Variants in FGF14 observed in about 807,000 individuals in gnomAD.
The protein encoded by FGF14 is fibroblast growth factor homologous factor 4.
Under a neutral mutation model 25.5 loss-of-function variants are expected in FGF14, and 5 were observed. The observed-to-expected ratio is 0.20, with a 90% CI of 0.10 to 0.41. The LOEUF (loss-of-function observed/expected upper bound fraction) is 0.41, where lower values mean the gene tolerates loss of function less well. FGF14 is among the 10% of genes least tolerant of loss of function. FGF14 has a pLI of 1.00. For missense variants in FGF14, 222 were observed against 320.1 expected (o/e 0.69, Z 2.34); for synonymous variants, 138 against 118.3 (o/e 1.17, Z -1.08).
intron 1 of FGF14, among the ~76,000 whole-genome samples, chr13:102,038,511 A>G (rs1171864749): frequency 2.6e-5 from 4 of 152,304 alleles, no homozygotes; most frequent in East Asian, 1.9e-4. Flanking sequence ...GATTTTTACA[A>G]TAGGAACCAT....
intron 1 of FGF14, among the ~76,000 whole-genome samples, chr13:102,252,205 A>G (rs2052215043): frequency 6.6e-6 from 1 of 152,208 alleles, no homozygotes; most frequent in African/African-American, 2.4e-5. Context: ...ACACATCCTA[A>G]GGGTTGACAT....
intron 1 of FGF14, among the ~76,000 whole-genome samples, chr13:102,065,161 T>C (rs2042849929): frequency 6.6e-6 from 1 of 152,116 alleles, no homozygotes; most frequent in Non-Finnish European, 1.5e-5. Context: ...TAAGCCTGGA[T>C]AGATTTCATG....
intron 1 of FGF14, among the ~76,000 whole-genome samples, chr13:101,939,089 T>C (rs1196146869): frequency 2.0e-5 from 3 of 152,132 alleles, no homozygotes; most frequent in Non-Finnish European, 2.9e-5. Context: ...AGCCCTGGCA[T>C]GGAGTGAGCA....
chr13:102,399,905 C>A (rs112301281), intron 1 of FGF14, among the ~76,000 whole-genome samples: 1 of 152,116 alleles, frequency 6.6e-6, no homozygotes, highest in Non-Finnish European at 1.5e-5. Flanking sequence ...CAATTGCCAC[C>A]CCAAAGTACC....
intron 3 of FGF14, among the ~76,000 whole-genome samples, chr13:101,860,293 C>A (rs1200146591): frequency 2.0e-5 from 3 of 151,984 alleles, no homozygotes; most frequent in African/African-American, 7.2e-5. Context: ...CTTTTCTTCC[C>A]ACAGACTAAG....
chr13:101,878,118 G>A (rs1299279134), intron 1 of FGF14, among the ~76,000 whole-genome samples: 1 of 152,044 alleles, frequency 6.6e-6, no homozygotes, highest in East Asian at 1.9e-4. Context: ...GCTCACTATA[G>A]CCCTTATCCA....
chr13:102,295,156 CATT>C (rs1335626635), intron 1 of FGF14, among the ~76,000 whole-genome samples: 3 of 152,132 alleles, frequency 2.0e-5, no homozygotes, highest in African/African-American at 7.2e-5. Context: ...GGTTCTTCAT[CATT>C]ATGATTATCA....
intron 1 of FGF14, among the ~76,000 whole-genome samples, chr13:102,343,798 G>A (rs1425652300): frequency 6.6e-6 from 1 of 152,058 alleles, no homozygotes; most frequent in Non-Finnish European, 1.5e-5. Flanking sequence ...GATTCCCTTA[G>A]CAGGAAAAAG....
At chr13:102,242,034 T>A (rs990305531) in intron 1 of FGF14, among the ~76,000 whole-genome samples, 1 of 152,124 alleles carries the variant, frequency 6.6e-6, no homozygotes, top group African/African-American at 2.4e-5. Flanking sequence ...GTTAAACCCC[T>A]GTTCCTTCAA....
At position 101,739,089 on chromosome 13, in the gene FGF14, GTA is replaced by G. The variant is rs113467291; in HGVS notation, c.409-12281_409-12280del. Among the ~76,000 whole-genome samples the G allele has an allele frequency of 1.5e-3, 172 of 114,526 alleles. 1 individual carries two copies. Among genetic ancestry groups the G allele is most frequent in the African/African-American group, 3.2e-3 (99 of 31,052 alleles). 75.1% of individuals were successfully genotyped at this position (114,526 alleles called of 152,430 possible). The stretch of plus-strand genomic sequence containing the variant: ...CACCTCATAGTCTCATACTTTAACA[GTA>G]TATATATATATATATACATGTATAT... On this transcript the variant is annotated intron_variant, in intron 3 of 4. Coordinates refer to ENST00000376143, the MANE Select transcript of FGF14 (RefSeq NM_004115.4).
At chr13:102,119,676 AAAGT>A (rs1250998745) in intron 1 of FGF14, among the ~76,000 whole-genome samples, 1 of 152,202 alleles carries the variant, frequency 6.6e-6, no homozygotes, top group Admixed American at 6.5e-5. Flanking sequence ...CGCACACATA[AAAGT>A]ATGTTATATA....
At chr13:101,901,448 A>G (rs982521368) in intron 1 of FGF14, among the ~76,000 whole-genome samples, 4 of 152,176 alleles carry the variant, frequency 2.6e-5, no homozygotes, top group African/African-American at 9.7e-5. Flanking sequence ...TCATGCCTGC[A>G]ATCCCAGTAC....
chr13:101,951,486 TTAAA>T (rs1164667589), intron 1 of FGF14, among the ~76,000 whole-genome samples: 2 of 152,128 alleles, frequency 1.3e-5, no homozygotes, highest in Non-Finnish European at 2.9e-5. Context: ...ATTGATTATA[TTAAA>T]TAGATTCTAG....
rs1347233315 is a variant in FGF14, at chr13:102,223,107, A to T, written c.208+178364T>A. On this transcript the variant is annotated intron_variant, in intron 1 of 4. Coordinates refer to the FGF14 transcript ENST00000376131. ...TCTACAGTTCCAAATATAGGTTTCA[A>T]ATTACCTAGAGAAAAATCACCCCAG... Among the ~76,000 whole-genome samples, 79 of 152,296 alleles carry T rather than the reference A, an allele frequency of 5.2e-4. 1 individual carries two copies. The highest frequency in any genetic ancestry group is 4.4e-5 in the Non-Finnish European group (3 of 68,032).
intron 1 of FGF14, among the ~76,000 whole-genome samples, chr13:102,199,006 G>A (rs1048527165): frequency 3.3e-5 from 5 of 152,168 alleles, no homozygotes; most frequent in African/African-American, 1.2e-4. Flanking sequence ...TGCAGGTCTT[G>A]AAATATACAA....
intron 3 of FGF14, among the ~76,000 whole-genome samples, chr13:101,732,200 C>G (rs1369378012): frequency 6.6e-6 from 1 of 152,122 alleles, no homozygotes; most frequent in Non-Finnish European, 1.5e-5. Context: ...GGAATTAGCC[C>G]ACCAACTCCA....
chr13:102,204,238 A>T (rs547574940), intron 1 of FGF14, among the ~76,000 whole-genome samples: 8 of 152,290 alleles, frequency 5.3e-5, no homozygotes, highest in African/African-American at 1.9e-4. Flanking sequence ...AGCCTCCACC[A>T]TATGTGATGG....
chr13:101,811,097 A>G (rs2041486817), intron 3 of FGF14, among the ~76,000 whole-genome samples: 1 of 137,484 alleles, frequency 7.3e-6, no homozygotes, highest in East Asian at 2.3e-4. Context: ...CAATCTATGA[A>G]ACTGCACTGA....
intron 1 of FGF14, chr13:102,393,816 G>A (rs2058494382): frequency 6.6e-6 from 1 of 152,244 alleles, no homozygotes; most frequent in South Asian, 2.1e-4. Context: ...CCTCCACTGG[G>A]AAGGAGTTGC....
Sources: allele counts gnomAD v4.1 joint callset (sites outside exome capture counted in the v4.1 genomes callset), GRCh38; gene constraint gnomAD v4.1.1; transcripts MANE v1.5; gene names NCBI Gene and HGNC (gene_info 2026-07-23, HGNC 2026-07-21).